The following CDH7 variants were observed in gnomAD, a reference collection of about 807,000 sequenced individuals.
CDH7 encodes the protein cadherin-7.
A neutral mutation model predicts 71.8 loss-of-function variants in CDH7; 25 were observed. The observed-to-expected ratio is 0.35, with a 90% CI of 0.25 to 0.49. The LOEUF (loss-of-function observed/expected upper bound fraction) is 0.49, where lower values mean the gene tolerates loss of function less well. Ranked by LOEUF, CDH7 falls within the 20% of genes least tolerant of loss-of-function variation. The probability of loss-of-function intolerance (pLI) is 0.99; values close to 1 mark genes in which losing one functional copy is unlikely to be tolerated. For synonymous variants in CDH7, 381 were observed against 363.8 expected (o/e 1.05, Z -0.54); for missense variants, 862 against 974.6 (o/e 0.88, Z 1.54).
In CDH7 at chr18:65,823,312, A is replaced by G. The variant is rs1912005529; in HGVS notation, c.793+1064A>G. ...TTCTTAATTGTGATCTTGATGGCTT[A>G]TCATGGAGAAGGAGGGACTTTTAGA... is the stretch of plus-strand genomic sequence containing the variant. On this transcript the variant is annotated intron_variant, in intron 5 of 11. Transcript: ENST00000397968. Among the ~76,000 whole-genome samples the G allele has an allele frequency of 2.6e-5, 4 of 152,054 alleles. No homozygotes were observed. The South Asian group carries it at 8.3e-4, about 32-fold the overall frequency.
At chr18:65,761,183 C>T (rs141729468) in intron 1 of CDH7, among the ~76,000 whole-genome samples, 19 of 152,196 alleles carry the variant, frequency 1.2e-4, no homozygotes, top group East Asian at 3.9e-4. Flanking sequence ...TCCTTAAATG[C>T]CCTCTGGAAT....
At chr18:65,860,219 A>C (rs1269020408) in intron 10 of CDH7, among the ~76,000 whole-genome samples, 2 of 152,170 alleles carry the variant, frequency 1.3e-5, no homozygotes, top group Non-Finnish European at 2.9e-5. Context: ...TTTTAATCTA[A>C]ATCAACTTTG....
At chr18:65,822,278 C>A (rs1298894785) in intron 5 of CDH7, 30 bp downstream of exon 5, 3 of 1,563,964 alleles carry the variant, frequency 1.9e-6, no homozygotes, top group Non-Finnish European at 2.6e-6. Flanking sequence ...GACACAAGTG[C>A]AATAACTTTC....
intron 4 of CDH7, among the ~76,000 whole-genome samples, chr18:65,819,899 C>T (rs1412515328): frequency 2.7e-5 from 4 of 150,586 alleles, no homozygotes; most frequent in Non-Finnish European, 5.9e-5. Context: ...GAGGGTAATT[C>T]GAAGCCTGAA....
chr18:65,809,859 T>A lies in CDH7; in HGVS notation c.366T>A (p.Ala122=). ...REEQAYYTLR[A]QALDRLTNKP... is the part of the protein sequence containing the mutation. ...AGCAGGCCTACTACACGCTCCGAGC[T>A]CAAGCGCTGGATAGGCTCACCAACA... The change falls in exon 3 of 12, where the codon GCT becomes GCA. Residue 122 remains alanine (A), a synonymous_variant. Coordinates refer to ENST00000397968, the MANE Select transcript of CDH7 (RefSeq NM_004361.5). 1 of 1,613,650 alleles carries A rather than the reference T, an allele frequency of 6.2e-7. No homozygotes were observed. The highest frequency in any genetic ancestry group is 1.7e-5 in the Admixed American group (1 of 59,940).
chr18:65,875,831 A>G (rs1025767377), intron 11 of CDH7, among the ~76,000 whole-genome samples: 4 of 152,124 alleles, frequency 2.6e-5, no homozygotes, highest in Non-Finnish European at 5.9e-5. Flanking sequence ...GGGAGTGCTG[A>G]GGCAGGAATA....
At chr18:65,878,195 A>G (rs1185774664) in intron 11 of CDH7, among the ~76,000 whole-genome samples, 9 of 152,178 alleles carry the variant, frequency 5.9e-5, no homozygotes. Flanking sequence ...TCTTTGGTAC[A>G]TATGCCTAGC....
Position 65,844,078 on chromosome 18 carries a change from T to A in CDH7, c.1235+13T>A. The A allele has an allele frequency of 6.2e-7, 1 of 1,609,570 alleles. No individual in the cohort carries two copies. The highest frequency in any genetic ancestry group is 8.5e-7 in the Non-Finnish European group (1 of 1,177,688). On this transcript the variant is annotated intron_variant, in intron 7 of 11. Transcript: ENST00000397968. The stretch of plus-strand genomic sequence containing the variant: ...ATAGCCCTGTGAGGTAAAAACTCAT[T>A]GTTGTCCTTTTCTATGGTTTTACAA...
At chr18:65,822,060 C>A in intron 4 of CDH7, 21 bp from the exon 5 acceptor site, 6 of 1,596,922 alleles carry the variant, frequency 3.8e-6, no homozygotes, top group Non-Finnish European at 5.2e-6. Flanking sequence ...ATGAGTTTTA[C>A]TGGGATTTGA....
chr18:65,787,736 G>T (rs1234929864), intron 2 of CDH7, among the ~76,000 whole-genome samples: 1 of 152,104 alleles, frequency 6.6e-6, no homozygotes, highest in Non-Finnish European at 1.5e-5. Flanking sequence ...TCTCAGTTTT[G>T]CATTCTCAGC....
intron 11 of CDH7, among the ~76,000 whole-genome samples, chr18:65,868,713 G>C (rs1913839221): frequency 6.6e-6 from 1 of 152,072 alleles, no homozygotes; most frequent in African/African-American, 2.4e-5. Context: ...TTATATTTCA[G>C]TACAACCAAA....
intron 2 of CDH7, among the ~76,000 whole-genome samples, chr18:65,788,901 G>A (rs1396263618): frequency 2.6e-5 from 4 of 152,092 alleles, no homozygotes; most frequent in Admixed American, 6.6e-5. Context: ...TCAAACTTAT[G>A]GGTTAAGGAA....
chr18:65,818,101 CATAAT>C (rs1185089829), intron 4 of CDH7, among the ~76,000 whole-genome samples: 3 of 152,106 alleles, frequency 2.0e-5, no homozygotes, highest in Non-Finnish European at 4.4e-5. Flanking sequence ...AAATTGTACT[CATAAT>C]AGAGTATTTT....
intron 5 of CDH7, among the ~76,000 whole-genome samples, chr18:65,823,516 T>C (rs1356260879): frequency 6.6e-6 from 1 of 151,940 alleles, no homozygotes; most frequent in East Asian, 1.9e-4. Context: ...ACCATTGTTA[T>C]TCATTTTTGC....
chr18:65,876,674 C>T (rs1401304908), intron 11 of CDH7, among the ~76,000 whole-genome samples: 1 of 152,158 alleles, frequency 6.6e-6, no homozygotes, highest in Non-Finnish European at 1.5e-5. Context: ...ATCATGTGTC[C>T]CTCTTTTGGA....
chr18:65,782,158 CTTT>C (rs1568182695), intron 2 of CDH7, among the ~76,000 whole-genome samples: 3 of 110,476 alleles, frequency 2.7e-5, no homozygotes, highest in African/African-American at 1.3e-4. Flanking sequence ...TTCTTTCTTT[CTTT>C]CTTCCTTTCT....
intron 5 of CDH7, among the ~76,000 whole-genome samples, chr18:65,824,401 G>C (rs1352756038): frequency 6.6e-6 from 1 of 151,570 alleles, no homozygotes; most frequent in East Asian, 1.9e-4. Flanking sequence ...ACAGGAATTA[G>C]AGATTCTTCT....
Position 65,762,801 on chromosome 18 carries a change from A to G in CDH7, c.-42A>G. ...CTGGAACTGTGCCTTTTCTCTTGTC[A>G]AGGTTTTTTTCTTACACAGGAAAAA... is the stretch of plus-strand genomic sequence containing the variant. On this transcript the variant is annotated 5_prime_UTR_variant, in exon 2 of 12. Coordinates refer to ENST00000397968, the MANE Select transcript of CDH7 (RefSeq NM_004361.5). 1 of 1,563,362 alleles carries G rather than the reference A, an allele frequency of 6.4e-7. No individual in the cohort carries two copies. Among genetic ancestry groups the G allele is most frequent in the Non-Finnish European group, 8.7e-7 (1 of 1,149,096 alleles).
In CDH7 at chr18:65,857,946, G is replaced by C. The variant is rs1568224110; in HGVS notation, c.1366G>C (p.Glu456Gln). The change falls in exon 8 of 12, where the codon GAG (glutamate) becomes CAG (glutamine). Residue 456 changes from glutamate to glutamine, a missense_variant. Transcript: ENST00000397968. ...TCACAATATCACAGTCCTTGCAATG[G>C]AGAGCCGTAAGTTGTGAGGCTTAAA... ...AIHNITVLAM[E>Q]SQNPSQVGRG... The C allele has an allele frequency of 6.2e-7, 1 of 1,613,238 alleles. No homozygotes were observed. Among genetic ancestry groups the C allele is most frequent in the South Asian group, 1.1e-5 (1 of 91,002 alleles).
Sources: allele counts gnomAD v4.1 joint callset (sites outside exome capture counted in the v4.1 genomes callset), GRCh38; gene constraint gnomAD v4.1.1; transcripts MANE v1.5; gene names NCBI Gene and HGNC (gene_info 2026-07-23, HGNC 2026-07-21).